Variants in NELFB observed in about 807,000 individuals in gnomAD.
The protein encoded by NELFB is negative elongation factor B.
In NELFB, 34 loss-of-function variants were observed where a neutral mutation model predicts 60.2. The ratio of observed to expected loss-of-function variants is 0.56; its 90% CI spans 0.43 to 0.75. NELFB has a LOEUF of 0.75. Among genes scored for constraint, NELFB ranks in the 30% least tolerant of loss-of-function variants. NELFB has a pLI of 0.00. For missense variants in NELFB, 770 were observed against 831.6 expected, an observed-to-expected ratio of 0.93 and a Z score of 0.91; for synonymous variants, 459 against 382.1, an observed-to-expected ratio of 1.20 and a Z score of -2.35.
At chr9:137,272,274 G>A (rs755224844) in intron 11 of NELFB, 52 bp downstream of exon 11, 13 of 1,600,858 alleles carry the variant, frequency 8.1e-6, no homozygotes, top group East Asian at 2.2e-5. Context: ...GCTCTTGTCC[G>A]TAGCAGCCTG....
At position 137,272,523 on chromosome 9, in the gene NELFB, C is replaced by T. The variant is rs757739581; in HGVS notation, c.1648C>T (p.Arg550Trp). The change falls in exon 12 of 13, where the codon CGG (arginine) becomes TGG (tryptophan). Residue 550 changes from arginine to tryptophan, a missense_variant. Physicochemically the swap from Arg to Trp is moderately radical, Grantham distance 101 (BLOSUM62 -3). Coordinates refer to ENST00000343053, the MANE Select transcript of NELFB (RefSeq NM_015456.5). Reference sequence around the variant, plus strand: ...CTTTTCCAGGAAGGAGAACGTGCACCGGCACGCGCTGCGGCTCCTCATTCA... The same window carrying T: ...CTTTTCCAGGAAGGAGAACGTGCACTGGCACGCGCTGCGGCTCCTCATTCA... 52 of 1,612,018 alleles carry T rather than the reference C, an allele frequency of 3.2e-5. No individual in the cohort carries two copies. The highest frequency in any genetic ancestry group is 4.0e-5 in the African/African-American group (3 of 74,938).
chr9:137,259,650 T>G (rs1275582881), intron 4 of NELFB, among the ~76,000 whole-genome samples: 2 of 151,088 alleles, frequency 1.3e-5, no homozygotes, highest in Non-Finnish European at 3.0e-5. Flanking sequence ...TATTTTTATT[T>G]TATTTTATTT....
intron 12 of NELFB, 64 bp downstream of exon 12, chr9:137,272,679 A>G: frequency 6.5e-7 from 1 of 1,536,986 alleles, no homozygotes; most frequent in Non-Finnish European, 8.8e-7. Flanking sequence ...TGTGCTTGCC[A>G]AGCTGCCCTT....
intron 4 of NELFB, among the ~76,000 whole-genome samples, chr9:137,261,657 CAAAA>C (rs56873736): frequency 8.2e-4 from 115 of 140,284 alleles, no homozygotes; most frequent in South Asian, 2.0e-3. Context: ...GACTCCGTCT[CAAAA>C]AAAAAAAAAA....
intron 4 of NELFB, among the ~76,000 whole-genome samples, chr9:137,262,303 AT>A (rs1278399484): frequency 6.6e-6 from 1 of 152,004 alleles, no homozygotes; most frequent in Non-Finnish European, 1.5e-5. Flanking sequence ...GTTCCTTCAC[AT>A]TTTTCGCTAC....
Position 137,256,937 on chromosome 9 carries a change from G to A in NELFB, c.624G>A (p.Glu208=), listed in dbSNP as rs768116933. ...ACAACCAGGCCCTCTTCGGGGACGA[G>A]GTTTCCCCACTCCTGAAGCAGTACA... Residue 208 remains glutamate (E), a synonymous_variant, in exon 4 of 13, where the codon GAG becomes GAA. Transcript: ENST00000343053. 4 of 1,614,202 alleles carry A rather than the reference G, an allele frequency of 2.5e-6. No homozygotes were observed. The South Asian group carries it at 3.3e-5, about 13-fold the overall frequency.
Position 137,256,860 on chromosome 9 carries a change from A to G in NELFB, c.547A>G (p.Lys183Glu), listed in dbSNP as rs1331125679. 10 of 1,614,174 alleles carry G rather than the reference A, an allele frequency of 6.2e-6. No homozygotes were observed. Among genetic ancestry groups the G allele is most frequent in the South Asian group, 1.1e-5 (1 of 91,084 alleles). ...AAAACTGAAGCTGGTTATGGCTGAC[A>G]AGGAGCTGTATCGAGCCTGCGCCGT... The change falls in exon 4 of 13, where the codon AAG (lysine) becomes GAG (glutamate). Residue 183 changes from lysine to glutamate, a missense_variant. Coordinates refer to ENST00000343053, the MANE Select transcript of NELFB (RefSeq NM_015456.5).
At chr9:137,256,497 G>A in intron 3 of NELFB, 69 bp downstream of exon 3, 1 of 1,421,990 alleles carries the variant, frequency 7.0e-7, no homozygotes, top group Non-Finnish European at 9.9e-7. Flanking sequence ...GTTAGTGGAA[G>A]TTCCGGTGGC....
intron 4 of NELFB, among the ~76,000 whole-genome samples, chr9:137,262,123 G>A (rs1830455819): frequency 6.6e-6 from 1 of 152,220 alleles, no homozygotes; most frequent in Admixed American, 6.5e-5. Flanking sequence ...CGGACAAGGA[G>A]CGTGACCACT....
chr9:137,256,056 G>A lies in NELFB; in HGVS notation c.396G>A (p.Gly132=), dbSNP rs758265148. Reference sequence around the variant, plus strand: ...GAGTGTCAGCCATCGCTTCGGAGGGGAAGGCTGAGGAAAGGTGGGTCAGCG... The same window carrying A: ...GAGTGTCAGCCATCGCTTCGGAGGGAAAGGCTGAGGAAAGGTGGGTCAGCG... The change falls in exon 2 of 13, where the codon GGG becomes GGA. Residue 132 remains glycine (G), a synonymous_variant. Coordinates refer to ENST00000343053, the MANE Select transcript of NELFB (RefSeq NM_015456.5). 3.7e-6 allele frequency: 6 copies of A among 1,613,356 alleles called. No individual in the cohort carries two copies. The highest frequency in any genetic ancestry group is 1.1e-5 in the South Asian group (1 of 91,086).
intron 10 of NELFB, among the ~76,000 whole-genome samples, chr9:137,268,369 A>G (rs1323814787): frequency 6.6e-6 from 1 of 152,140 alleles, no homozygotes; most frequent in African/African-American, 2.4e-5. Context: ...GCGGATCACG[A>G]GGTCAGGAGT....
chr9:137,272,172 G>A lies in NELFB; in HGVS notation c.1581G>A (p.Glu527=). Residue 527 remains glutamate (E), a synonymous_variant, in exon 11 of 13, where the codon GAG becomes GAA. Transcript: ENST00000343053. ...TGCTGGCCGACGAATTTGCCCTTGAGGACTTCTGCAGCAGCCTCTTCGATG... is the reference window on the plus strand; with the variant it reads ...TGCTGGCCGACGAATTTGCCCTTGAAGACTTCTGCAGCAGCCTCTTCGATG... 6.2e-7 allele frequency: 1 copy of A among 1,614,222 alleles called. No homozygotes were observed. Among genetic ancestry groups the A allele is most frequent in the Non-Finnish European group, 8.5e-7 (1 of 1,180,034 alleles).
chr9:137,257,597 G>C (rs1837576629), intron 4 of NELFB, among the ~76,000 whole-genome samples: 1 of 151,160 alleles, frequency 6.6e-6, no homozygotes, highest in Non-Finnish European at 1.5e-5. Context: ...CCGCCTCCCA[G>C]GTTCAAGCAA....
At position 137,267,339 on chromosome 9, in the gene NELFB, C is replaced by T. The variant is rs201404739; in HGVS notation, c.1482C>T (p.Pro494=). ...AGAACGCGCTCCTCCGCCTGCTGCCCGGGCTGGGTAAGTCCTGACGGGCGG... is the reference window on the plus strand; with the variant it reads ...AGAACGCGCTCCTCCGCCTGCTGCCTGGGCTGGGTAAGTCCTGACGGGCGG... Residue 494 remains proline (P), a synonymous_variant, in exon 10 of 13, where the codon CCC becomes CCT. Coordinates refer to ENST00000343053, the MANE Select transcript of NELFB (RefSeq NM_015456.5). 1.3e-4 allele frequency: 201 copies of T among 1,607,232 alleles called. No individual in the cohort carries two copies. The Admixed American group carries it at 2.7e-3, about 22-fold the overall frequency.
chr9:137,263,294 C>T (rs1830476909), intron 5 of NELFB, 72 bp downstream of exon 5: 1 of 1,401,170 alleles, frequency 7.1e-7, no homozygotes, highest in Non-Finnish European at 9.6e-7. Context: ...CCTTCCCTCC[C>T]ACTCCCCGGC....
At chr9:137,266,105 C>T (rs550883212) in intron 7 of NELFB, 126 bp downstream of exon 7, 92 of 812,946 alleles carry the variant, frequency 1.1e-4, no homozygotes, top group African/African-American at 7.3e-4. Context: ...GGCCGCCCTG[C>T]TGGCTGCTCT....
intron 10 of NELFB, among the ~76,000 whole-genome samples, chr9:137,268,718 G>A (rs901246100): frequency 3.9e-5 from 6 of 152,288 alleles, no homozygotes; most frequent in South Asian, 2.1e-4. Flanking sequence ...AAGAGAGCAC[G>A]GGCAGGGGAG....
At chr9:137,260,130 A>T (rs1830414788) in intron 4 of NELFB, among the ~76,000 whole-genome samples, 1 of 149,594 alleles carries the variant, frequency 6.7e-6, no homozygotes, top group Non-Finnish European at 1.5e-5. Context: ...GCTCACTGCA[A>T]GCTCCGCCTC....
At chr9:137,263,313 C>T (rs1365471891) in intron 5 of NELFB, 91 bp downstream of exon 5, 1 of 1,227,488 alleles carries the variant, frequency 8.1e-7, no homozygotes, top group Non-Finnish European at 1.1e-6. Context: ...GCCCTCCCTC[C>T]TTCCCCCACT....
Sources: gnomAD v4.1 joint callset for allele counts (sites outside exome capture counted in the v4.1 genomes callset) on GRCh38, gnomAD v4.1.1 for gene constraint, MANE v1.5 for transcripts, NCBI Gene and HGNC (gene_info 2026-07-23, HGNC 2026-07-21) for gene names.